The following DACH1 variants were observed in gnomAD, a reference collection of about 807,000 sequenced individuals.
DACH1 encodes dachshund homolog 1.
DACH1 carries 12 observed loss-of-function variants against 54.2 expected under a neutral mutation model. The observed-to-expected ratio is 0.22, with a 90% CI of 0.14 to 0.36. The LOEUF (loss-of-function observed/expected upper bound fraction) is 0.36. Ranked by LOEUF, DACH1 falls within the 10% of genes least tolerant of loss-of-function variation. The probability of loss-of-function intolerance (pLI) is 1.00; values close to 1 mark genes in which losing one functional copy is unlikely to be tolerated. For synonymous variants in DACH1, 386 were observed against 366.2 expected (o/e 1.05, Z -0.62); for missense variants, 805 against 929.8 (o/e 0.87, Z 1.75).
intron 2 of DACH1, among the ~76,000 whole-genome samples, chr13:71,634,315 G>T (rs1199912720): frequency 6.6e-6 from 1 of 152,016 alleles, no homozygotes; most frequent in East Asian, 1.9e-4. Context: ...TTGCTCTTAG[G>T]ATCCAGTCCA....
At chr13:71,482,851 G>T (rs547165846) in intron 7 of DACH1, among the ~76,000 whole-genome samples, 31 of 137,840 alleles carry the variant, frequency 2.2e-4, no homozygotes, top group Non-Finnish European at 3.8e-4. Flanking sequence ...CCAGGCTGGC[G>T]TGCAAATGGC....
intron 1 of DACH1, among the ~76,000 whole-genome samples, chr13:71,720,213 A>C (rs2138800744): frequency 6.6e-6 from 1 of 152,304 alleles, no homozygotes; most frequent in East Asian, 1.9e-4. Context: ...AGGAAAGCAA[A>C]GGAAAGCTAG....
At chr13:71,651,481 C>CA (rs998397014) in intron 2 of DACH1, among the ~76,000 whole-genome samples, 1 of 151,928 alleles carries the variant, frequency 6.6e-6, no homozygotes, top group African/African-American at 2.4e-5. Flanking sequence ...GACAACATGG[C>CA]AAAATCCTGT....
intron 3 of DACH1, among the ~76,000 whole-genome samples, chr13:71,580,185 T>A (rs1452014155): frequency 2.0e-5 from 3 of 152,216 alleles, no homozygotes; most frequent in Admixed American, 2.0e-4. Flanking sequence ...CTAAAACTTA[T>A]TCATACAGTT....
intron 2 of DACH1, among the ~76,000 whole-genome samples, chr13:71,647,418 G>C (rs543239729): frequency 4.5e-4 from 68 of 152,274 alleles, no homozygotes; most frequent in Non-Finnish European, 8.7e-4. Flanking sequence ...TCTGCTATCT[G>C]TTGGTAGATA....
chr13:71,499,016 T>A (rs1336408795), intron 6 of DACH1, among the ~76,000 whole-genome samples: 1 of 152,112 alleles, frequency 6.6e-6, no homozygotes, highest in Non-Finnish European at 1.5e-5. Context: ...CTCGGGTATC[T>A]GTGTACAGAG....
rs533471102 is a variant in DACH1 at position 71,607,277 on chromosome 13, T to A, written c.1126+23279A>T. On this transcript the variant is annotated intron_variant, in intron 3 of 10. Transcript: ENST00000613252. ...AATCCTTACGTTGCATTTCTTCTAT[T>A]TGATATTTAAAAATTCCTGTTTTAA... Among the ~76,000 whole-genome samples the A allele has an allele frequency of 2.0e-4, 30 of 152,122 alleles. 1 individual carries two copies. The South Asian group carries it at 6.0e-3, about 30-fold the overall frequency.
chr13:71,741,026 T>C (rs1291998456), intron 1 of DACH1, among the ~76,000 whole-genome samples: 1 of 152,150 alleles, frequency 6.6e-6, no homozygotes, highest in Non-Finnish European at 1.5e-5. Flanking sequence ...AGCAATATAC[T>C]CTCAAGATAA....
At chr13:71,787,755 T>C (rs1447649481) in intron 1 of DACH1, among the ~76,000 whole-genome samples, 1 of 152,146 alleles carries the variant, frequency 6.6e-6, no homozygotes, top group African/African-American at 2.4e-5. Flanking sequence ...TCCCGGGCCA[T>C]AGTTTATCCT....
chr13:71,723,572 C>T (rs74642051), intron 1 of DACH1, among the ~76,000 whole-genome samples: 2,157 of 152,186 alleles, frequency 0.014, 42 homozygotes, highest in African/African-American at 0.049. Context: ...TTGCATTTGA[C>T]GCAATAAAAT....
Position 71,666,789 on chromosome 13 carries a change from T to C in DACH1, c.964+15006A>G, listed in dbSNP as rs537583891. On this transcript the variant is annotated intron_variant, in intron 2 of 10. Transcript: ENST00000613252. ...CTGAGTCAGGAGTTCGAGACCACCCTGGCCAACATGGTGAAGCTCTGTTTT... is the reference window on the plus strand; with the variant it reads ...CTGAGTCAGGAGTTCGAGACCACCCCGGCCAACATGGTGAAGCTCTGTTTT... Among the ~76,000 whole-genome samples the C allele has an allele frequency of 6.6e-5, 10 of 152,200 alleles. 1 individual carries two copies. The highest frequency in any genetic ancestry group is 2.4e-4 in the African/African-American group (10 of 41,538).
At chr13:71,452,898 T>C (rs1478487370) in intron 10 of DACH1, among the ~76,000 whole-genome samples, 1 of 152,202 alleles carries the variant, frequency 6.6e-6, no homozygotes, top group East Asian at 1.9e-4. Flanking sequence ...GAAATAAATA[T>C]TAAGTTATCT....
chr13:71,443,124 T>TGAATG (rs1193236128), intron 10 of DACH1, among the ~76,000 whole-genome samples: 1 of 149,928 alleles, frequency 6.7e-6, no homozygotes. Flanking sequence ...TAAAAACATA[T>TGAATG]AATGAACATC....
chr13:71,472,038 T>C (rs1877127644), intron 10 of DACH1, among the ~76,000 whole-genome samples: 1 of 152,092 alleles, frequency 6.6e-6, no homozygotes, highest in South Asian at 2.1e-4. Flanking sequence ...GTAGGGTAAA[T>C]TTTTCAAAGT....
intron 10 of DACH1, among the ~76,000 whole-genome samples, chr13:71,452,235 T>C (rs1223918027): frequency 6.6e-6 from 1 of 152,098 alleles, no homozygotes; most frequent in Non-Finnish European, 1.5e-5. Flanking sequence ...GCTCCAGTGA[T>C]CTTCCTGTAG....
At chr13:71,692,847 T>C (rs974885482) in intron 1 of DACH1, among the ~76,000 whole-genome samples, 3 of 152,124 alleles carry the variant, frequency 2.0e-5, no homozygotes, top group Non-Finnish European at 4.4e-5. Flanking sequence ...ATGTATTTTC[T>C]TGTGATGCCT....
chr13:71,455,213 CTATT>C (rs1209546102), intron 10 of DACH1, among the ~76,000 whole-genome samples: 1 of 152,082 alleles, frequency 6.6e-6, no homozygotes, highest in Non-Finnish European at 1.5e-5. Flanking sequence ...AAATCACAAA[CTATT>C]TATTTTCACA....
intron 1 of DACH1, among the ~76,000 whole-genome samples, chr13:71,835,490 T>C (rs1201397273): frequency 6.6e-6 from 1 of 152,104 alleles, no homozygotes; most frequent in Non-Finnish European, 1.5e-5. Flanking sequence ...TAATTTTGTC[T>C]TGTCTCCTAA....
At position 71,694,735 on chromosome 13, in the gene DACH1, C is replaced by T. The variant is rs1434727431; in HGVS notation, c.849-12825G>A. ...TAAAATCCTGATCATTATCCTAATT[C>T]CCATGTTCCCTTATTTATTTATAGC... On this transcript the variant is annotated intron_variant, in intron 1 of 10. Transcript: ENST00000613252. 2.0e-5 allele frequency among the ~76,000 whole-genome samples: 3 copies of T among 152,074 alleles called. 1 individual carries two copies. The highest frequency in any genetic ancestry group is 7.2e-5 in the African/African-American group (3 of 41,410).
Sources: allele counts gnomAD v4.1 joint callset (sites outside exome capture counted in the v4.1 genomes callset), GRCh38; gene constraint gnomAD v4.1.1; transcripts MANE v1.5; gene names NCBI Gene and HGNC (gene_info 2026-07-23, HGNC 2026-07-21).